GPC6: variants seen among roughly 807,000 people sequenced by gnomAD.
GPC6 encodes the protein glypican 6.
A neutral mutation model predicts 55.2 loss-of-function variants in GPC6; 14 were observed. The ratio of observed to expected loss-of-function variants is 0.25; its 90% confidence interval spans 0.17 to 0.40. The LOEUF is 0.40. Ranked by LOEUF, GPC6 falls within the 10% of genes least tolerant of loss-of-function variation. The pLI, the probability that GPC6 is intolerant of heterozygous loss-of-function variation, is 1.00. For synonymous variants in GPC6, 278 were observed against 259.6 expected (o/e 1.07, Z -0.68); for missense variants, 641 against 708.5 (o/e 0.90, Z 1.08).
chr13:93,595,814 T>C (rs1356796519), intron 2 of GPC6, among the ~76,000 whole-genome samples: 1 of 152,224 alleles, frequency 6.6e-6, no homozygotes, highest in Non-Finnish European at 1.5e-5. Flanking sequence ...ACATCACATA[T>C]CTATGTTATT....
intron 2 of GPC6, among the ~76,000 whole-genome samples, chr13:93,764,794 G>A (rs8002496): frequency 0.66 from 100,767 of 151,862 alleles, 34,438 homozygotes; most frequent in African/African-American, 0.81. Context: ...CTAATACAAT[G>A]TTTTTATTTA....
intron 4 of GPC6, among the ~76,000 whole-genome samples, chr13:94,135,888 G>T (rs79053980): frequency 6.6e-6 from 1 of 152,288 alleles, no homozygotes; most frequent in East Asian, 1.9e-4. Flanking sequence ...AGAAAGAGTT[G>T]ATTTTTGAGT....
chr13:94,272,672 G>T (rs999868623), intron 4 of GPC6, among the ~76,000 whole-genome samples: 15 of 151,764 alleles, frequency 9.9e-5, no homozygotes, highest in Admixed American at 8.5e-4. Context: ...GTTTCACCGT[G>T]TTAGCCAGGA....
chr13:94,241,583 A>G (rs1336800484), intron 4 of GPC6, among the ~76,000 whole-genome samples: 2 of 152,288 alleles, frequency 1.3e-5, no homozygotes, highest in African/African-American at 2.4e-5. Context: ...CAGGTTCTGC[A>G]TTTTTGTAAA....
intron 4 of GPC6, among the ~76,000 whole-genome samples, chr13:94,177,304 A>G (rs1009068321): frequency 5.9e-5 from 9 of 152,344 alleles, no homozygotes; most frequent in African/African-American, 2.2e-4. Context: ...ATGTCAGGAT[A>G]TCAACATTTA....
At chr13:93,619,489 G>T (rs947611762) in intron 2 of GPC6, among the ~76,000 whole-genome samples, 1 of 152,164 alleles carries the variant, frequency 6.6e-6, no homozygotes, top group South Asian at 2.1e-4. Flanking sequence ...GTTTCCCTTT[G>T]TCACCCAGGA....
At chr13:93,976,426 TAAAAGA>T (rs1253372912) in intron 3 of GPC6, among the ~76,000 whole-genome samples, 1 of 151,710 alleles carries the variant, frequency 6.6e-6, no homozygotes, top group Non-Finnish European at 1.5e-5. Flanking sequence ...GATAAGAACA[TAAAAGA>T]AAAATACACA....
At position 93,857,727 on chromosome 13, in the gene GPC6, C is replaced by T. The variant is rs908637811; in HGVS notation, c.711+27182C>T. On this transcript the variant is annotated intron_variant, in intron 3 of 8. Transcript: ENST00000377047. ...AATGCGTTAAAGCAAAGGGCTACTA[C>T]TACTAAGGGCTAGAGAAAGTGGAAT... 5.9e-5 allele frequency among the ~76,000 whole-genome samples: 9 copies of T among 151,676 alleles called. 3 individuals are homozygous for T.
At chr13:93,981,981 C>T (rs1466661699) in intron 3 of GPC6, among the ~76,000 whole-genome samples, 1 of 151,936 alleles carries the variant, frequency 6.6e-6, no homozygotes, top group Non-Finnish European at 1.5e-5. Flanking sequence ...TCTATTTCTT[C>T]CTGAAATCAT....
intron 1 of GPC6, among the ~76,000 whole-genome samples, chr13:93,390,660 A>G (rs1220189991): frequency 6.6e-6 from 1 of 152,140 alleles, no homozygotes; most frequent in Non-Finnish European, 1.5e-5. Context: ...TTTTAAAGCC[A>G]TATTTTTAAA....
intron 6 of GPC6, among the ~76,000 whole-genome samples, chr13:94,368,851 C>T (rs1365312803): frequency 1.3e-5 from 2 of 152,142 alleles, no homozygotes; most frequent in Admixed American, 1.3e-4. Flanking sequence ...TCAGAAAAGA[C>T]CATTCTTCTC....
At chr13:93,316,834 T>C (rs1322844579) in intron 1 of GPC6, among the ~76,000 whole-genome samples, 1 of 152,114 alleles carries the variant, frequency 6.6e-6, no homozygotes, top group Non-Finnish European at 1.5e-5. Flanking sequence ...AATGTTTGTT[T>C]CATTGCTCAG....
chr13:93,629,170 G>A (rs1879329449), intron 2 of GPC6, among the ~76,000 whole-genome samples: 1 of 152,226 alleles, frequency 6.6e-6, no homozygotes, highest in African/African-American at 2.4e-5. Context: ...AAAGCCTTCA[G>A]GAAAAGGTTA....
intron 4 of GPC6, among the ~76,000 whole-genome samples, chr13:94,136,991 A>G (rs1566452028): frequency 2.6e-5 from 4 of 152,230 alleles, no homozygotes; most frequent in South Asian, 2.1e-4. Context: ...GTAAGACTCA[A>G]TGACTGATTG....
chr13:93,331,027 G>A (rs1157286892), intron 1 of GPC6, among the ~76,000 whole-genome samples: 2 of 152,264 alleles, frequency 1.3e-5, no homozygotes, highest in African/African-American at 4.8e-5. Flanking sequence ...ATAACTATTT[G>A]ATGGGATTCA....
intron 1 of GPC6, among the ~76,000 whole-genome samples, chr13:93,536,948 AT>A (rs1433130356): frequency 6.6e-6 from 1 of 152,094 alleles, no homozygotes; most frequent in Admixed American, 6.6e-5. Flanking sequence ...AGGCAACAAC[AT>A]TTTCATTTTG....
At chr13:94,271,633 A>G (rs1892029945) in intron 4 of GPC6, among the ~76,000 whole-genome samples, 1 of 151,932 alleles carries the variant, frequency 6.6e-6, no homozygotes, top group African/African-American at 2.4e-5. Flanking sequence ...TTGGGGAGAT[A>G]AAACTAATCT....
intron 4 of GPC6, chr13:94,187,475 TA>T: frequency 6.6e-6 from 1 of 152,350 alleles, no homozygotes; most frequent in South Asian, 2.1e-4. Context: ...GCACCTCAAC[TA>T]AAATGATGTT....
chr13:93,651,790 T>A (rs568053469), intron 2 of GPC6, among the ~76,000 whole-genome samples: 7 of 152,128 alleles, frequency 4.6e-5, no homozygotes, highest in African/African-American at 1.7e-4. Context: ...GCCTAAAAAC[T>A]AAATCAATGG....
Sources: gnomAD v4.1 joint callset for allele counts (sites outside exome capture counted in the v4.1 genomes callset) on GRCh38, gnomAD v4.1.1 for gene constraint, MANE v1.5 for transcripts, NCBI Gene and HGNC (gene_info 2026-07-23, HGNC 2026-07-21) for gene names.